Variants in GALNT1 observed in about 807,000 individuals in gnomAD.
GALNT1 encodes the protein GalNAc transferase 1.
GALNT1 carries 17 observed loss-of-function variants against 65.7 expected under a neutral mutation model. That is an observed-to-expected ratio of 0.26 (90% CI 0.18 to 0.39). The LOEUF is 0.39. Among genes scored for constraint, GALNT1 ranks in the 10% least tolerant of loss-of-function variants. The probability of loss-of-function intolerance (pLI) is 1.00; values close to 1 mark genes in which losing one functional copy is unlikely to be tolerated. For missense variants in GALNT1, 460 were observed against 672.8 expected, an observed-to-expected ratio of 0.68 and a Z score of 3.50; for synonymous variants, 210 against 219.7, an observed-to-expected ratio of 0.96 and a Z score of 0.39.
intron 3 of GALNT1, among the ~76,000 whole-genome samples, chr18:35,676,673 G>A (rs2047715081): frequency 6.6e-6 from 1 of 152,164 alleles, no homozygotes; most frequent in Admixed American, 6.5e-5. Flanking sequence ...AAAGAGGAGG[G>A]TGGAGCAACT....
chr18:35,620,852 C>A (rs1440074014), intron 1 of GALNT1, among the ~76,000 whole-genome samples: 1 of 151,298 alleles, frequency 6.6e-6, no homozygotes, highest in African/African-American at 2.4e-5. Context: ...AAGAGTTTCT[C>A]CAGGGACTGT....
intron 1 of GALNT1, among the ~76,000 whole-genome samples, chr18:35,619,838 A>G (rs1371165883): frequency 6.6e-6 from 1 of 152,206 alleles, no homozygotes; most frequent in African/African-American, 2.4e-5. Flanking sequence ...GTAACATTTG[A>G]GAATCTCTGT....
chr18:35,645,261 C>T (rs1254844349), intron 1 of GALNT1, among the ~76,000 whole-genome samples: 1 of 115,614 alleles, frequency 8.6e-6, no homozygotes, highest in Non-Finnish European at 1.6e-5. Flanking sequence ...GATGGAGTCT[C>T]GCTCTGTTGC....
At chr18:35,658,727 A>G (rs1598797914) in intron 2 of GALNT1, among the ~76,000 whole-genome samples, 1 of 143,724 alleles carries the variant, frequency 7.0e-6, no homozygotes, top group Non-Finnish European at 1.5e-5. Context: ...TTTTTTTTTT[A>G]AAGACAGAGT....
In GALNT1 at chr18:35,620,082, G is replaced by GT. The variant is rs1272834942; in HGVS notation, c.-103-34472dup. Among the ~76,000 whole-genome samples, 11 of 152,236 alleles carry GT rather than the reference G, an allele frequency of 7.2e-5. No individual in the cohort carries two copies. The East Asian group carries it at 1.5e-3, about 21-fold the overall frequency. On this transcript the variant is annotated intron_variant, in intron 1 of 11. Transcript: ENST00000269195. ...AAAAGGTGCTTTAAACAAGATAGAGGTTTTTTCCTCTCAGGATATGGCAGC... is the reference window on the plus strand; with the variant it reads ...AAAAGGTGCTTTAAACAAGATAGAGGTTTTTTTCCTCTCAGGATATGGCAGC...
intron 1 of GALNT1, among the ~76,000 whole-genome samples, chr18:35,623,194 T>C (rs1392592854): frequency 6.6e-6 from 1 of 152,190 alleles, no homozygotes; most frequent in African/African-American, 2.4e-5. Flanking sequence ...CTGGTGTCAT[T>C]TCCCTTTTAC....
chr18:35,668,846 G>A (rs1275295218), intron 3 of GALNT1, among the ~76,000 whole-genome samples: 1 of 152,138 alleles, frequency 6.6e-6, no homozygotes, highest in Admixed American at 6.5e-5. Context: ...TTAAAATTTA[G>A]ATGAAATTAG....
chr18:35,628,769 G>A lies in GALNT1; in HGVS notation c.-103-25791G>A, dbSNP rs547770734. Among the ~76,000 whole-genome samples the A allele has an allele frequency of 4.6e-5, 7 of 152,276 alleles. No individual in the cohort carries two copies. In the East Asian group the frequency reaches 5.8e-4, roughly 13 times the overall value. ...AGGCTGCAGACGATCAAACTTCTCCGAGCTAAAGGAGGAAGTTCGAACCCA... is the reference window on the plus strand; with the variant it reads ...AGGCTGCAGACGATCAAACTTCTCCAAGCTAAAGGAGGAAGTTCGAACCCA... On this transcript the variant is annotated intron_variant, in intron 1 of 11. Transcript: ENST00000269195.
chr18:35,636,621 C>T (rs1391809514), intron 1 of GALNT1, among the ~76,000 whole-genome samples: 1 of 151,952 alleles, frequency 6.6e-6, no homozygotes, highest in East Asian at 1.9e-4. Context: ...AGATGTGGGT[C>T]GTTACATTCA....
intron 1 of GALNT1, among the ~76,000 whole-genome samples, chr18:35,622,990 C>T (rs2046873841): frequency 6.6e-6 from 1 of 152,092 alleles, no homozygotes. Flanking sequence ...CCCACACCTC[C>T]ATTCTTTGTT....
At chr18:35,593,491 T>A (rs1452773371) in intron 1 of GALNT1, among the ~76,000 whole-genome samples, 1 of 151,950 alleles carries the variant, frequency 6.6e-6, no homozygotes, top group Non-Finnish European at 1.5e-5. Context: ...GCAGAACCTA[T>A]TATTAGTAGG....
chr18:35,683,334 C>G lies in GALNT1; in HGVS notation c.482-57C>G, dbSNP rs2047814622. 2.2e-6 allele frequency: 3 copies of G among 1,389,662 alleles called. No individual in the cohort carries two copies. In the South Asian group the frequency reaches 3.8e-5, roughly 18 times the overall value. The allele number at this position is 1,389,662 out of a possible 1,614,324, so 86.1% of individuals were successfully genotyped here. A position where few individuals can be genotyped will look rare whatever the true frequency, so the allele number is the denominator to read the frequency against. Reference sequence around the variant, plus strand: ...AAATTTTCCAAATCAAAATTACTTTCATCTGAATAGTGCCAGGCCACACTG... The same window carrying G: ...AAATTTTCCAAATCAAAATTACTTTGATCTGAATAGTGCCAGGCCACACTG... On this transcript the variant is annotated intron_variant, in intron 4 of 11. Transcript: ENST00000269195.
At chr18:35,614,564 C>G (rs1178262012) in intron 1 of GALNT1, among the ~76,000 whole-genome samples, 1 of 152,100 alleles carries the variant, frequency 6.6e-6, no homozygotes. Flanking sequence ...GTTACCCTGC[C>G]TCTTCACAAT....
intron 1 of GALNT1, among the ~76,000 whole-genome samples, chr18:35,630,633 A>C (rs1056798264): frequency 6.6e-6 from 1 of 152,246 alleles, no homozygotes; most frequent in Non-Finnish European, 1.5e-5. Context: ...GTAACATCAC[A>C]ATTAAAAGAA....
chr18:35,624,962 T>A (rs1249158270), intron 1 of GALNT1, among the ~76,000 whole-genome samples: 2 of 152,172 alleles, frequency 1.3e-5, no homozygotes, highest in Non-Finnish European at 1.5e-5. Flanking sequence ...TTCCTGTCAT[T>A]TTGGAGCTTA....
intron 1 of GALNT1, among the ~76,000 whole-genome samples, chr18:35,590,446 A>G (rs1032681942): frequency 6.6e-6 from 1 of 152,170 alleles, no homozygotes; most frequent in Non-Finnish European, 1.5e-5. Flanking sequence ...AGTATAGGAC[A>G]AACTTCTATG....
chr18:35,644,521 T>C (rs962265254), intron 1 of GALNT1, among the ~76,000 whole-genome samples: 7 of 152,216 alleles, frequency 4.6e-5, no homozygotes, highest in African/African-American at 1.4e-4. Flanking sequence ...GCTTCAGTTA[T>C]CTTTCTACAT....
chr18:35,653,375 C>A lies in GALNT1; in HGVS notation c.-103-1185C>A, dbSNP rs140514438. On this transcript the variant is annotated intron_variant, in intron 1 of 11. Transcript: ENST00000269195. ...CTGTATATATTTCATGGATAAACTA[C>A]AGGCCTGCCCTGAATTGTTCAGGTA... is the stretch of plus-strand genomic sequence containing the variant. Among the ~76,000 whole-genome samples the A allele has an allele frequency of 3.7e-3, 571 of 152,340 alleles. 5 individuals carry two copies. The highest frequency in any genetic ancestry group is 0.012 in the African/African-American group (493 of 41,572).
At chr18:35,598,209 A>AT (rs1215967175) in intron 1 of GALNT1, among the ~76,000 whole-genome samples, 2 of 151,278 alleles carry the variant, frequency 1.3e-5, no homozygotes, top group Non-Finnish European at 2.9e-5. Context: ...TAATTTTTGT[A>AT]TTTTTAGTAG....
Sources: allele counts gnomAD v4.1 joint callset (sites outside exome capture counted in the v4.1 genomes callset), GRCh38; gene constraint gnomAD v4.1.1; transcripts MANE v1.5; gene names NCBI Gene and HGNC (gene_info 2026-07-23, HGNC 2026-07-21).